The following DIP2A variants were observed in gnomAD, a reference collection of about 807,000 sequenced individuals.
DIP2A encodes DIP2 acetate--CoA ligase A, also known as disco-interacting protein 2 homolog A.
Under a neutral mutation model 177.4 loss-of-function variants are expected in DIP2A, and 85 were observed. The observed-to-expected ratio is 0.48, with a 90% confidence interval of 0.40 to 0.57. DIP2A has a LOEUF of 0.57. Ranked by LOEUF, DIP2A falls within the 20% of genes least tolerant of loss-of-function variation. DIP2A has a pLI of 0.00. For missense variants in DIP2A, 1,791 were observed against 2,100.2 expected (o/e 0.85, Z 2.88); for synonymous variants, 886 against 881.8 (o/e 1.00, Z -0.08).
chr21:46,559,096 C>CAAAAAAAAA (rs58469641), intron 32 of DIP2A: 1 of 56,720 alleles, frequency 1.8e-5, no homozygotes, highest in African/African-American at 7.8e-5. Context: ...GACCCTGTCT[C>CAAAAAAAAA]AAAAAAAAAA....
rs2060512081 is a variant in DIP2A at position 46,557,565 on chromosome 21, A to C, written c.3630-20A>C. 1 of 1,594,212 alleles carries C rather than the reference A, an allele frequency of 6.3e-7. No individual in the cohort carries two copies. Among genetic ancestry groups the C allele is most frequent in the East Asian group, 2.3e-5 (1 of 44,258 alleles). ...GTGCTGGGTGGGCGGGCGGAGCCTC[A>C]CGAGCCTTCCCTCTCGCAGTGTCTA... On this transcript the variant is annotated intron_variant, in intron 30 of 37. Coordinates refer to ENST00000417564, the MANE Select transcript of DIP2A (RefSeq NM_015151.4). The surrounding 1 kb of genome is among the most constrained non-coding windows in gnomAD (Gnocchi z 6.0).
chr21:46,478,491 C>T (rs1433564704), intron 1 of DIP2A, among the ~76,000 whole-genome samples: 2 of 152,164 alleles, frequency 1.3e-5, no homozygotes, highest in African/African-American at 4.8e-5. Flanking sequence ...GGATTACAGG[C>T]GTGAGCCACC....
intron 1 of DIP2A, among the ~76,000 whole-genome samples, chr21:46,468,926 TG>T (rs1489706044): frequency 6.6e-6 from 1 of 152,244 alleles, no homozygotes; most frequent in Non-Finnish European, 1.5e-5. Flanking sequence ...CCAGCTATTC[TG>T]TACTTGTTTA....
In DIP2A at chr21:46,569,192, G is replaced by A. The variant is rs1277401244; in HGVS notation, c.*1570G>A. ...TCACAGAAACAACCAGGTTTTTCCA[G>A]AATTAGTCTGGATCAGTGCCTAACA... On this transcript the variant is annotated 3_prime_UTR_variant, in exon 38 of 38. Transcript: ENST00000417564. The A allele has an allele frequency of 1.3e-5, 2 of 152,116 alleles. No homozygotes were observed. The highest frequency in any genetic ancestry group is 4.1e-4 in the South Asian group (2 of 4,830). The allele number at this position is 152,116 out of a possible 1,614,324, so 9.4% of individuals were successfully genotyped here. A position where few individuals can be genotyped will look rare whatever the true frequency, so the allele number is the denominator to read the frequency against.
rs2057475145 is a variant in DIP2A, at chr21:46,498,465, G to A, written c.404-117G>A. ...ACTGCGTGGCTTTGGGCAGAGCTGT[G>A]CCAGGTGTACAGAAGCATGCTGCAC... On this transcript the variant is annotated intron_variant, in intron 4 of 37. Coordinates refer to ENST00000417564, the MANE Select transcript of DIP2A (RefSeq NM_015151.4). The surrounding 1 kb of genome is among the most constrained non-coding windows in gnomAD (Gnocchi z 4.3). 7.0e-6 allele frequency: 9 copies of A among 1,285,964 alleles called. No homozygotes were observed. Among genetic ancestry groups the A allele is most frequent in the Non-Finnish European group, 9.7e-6 (9 of 930,728 alleles). The allele number at this position is 1,285,964 out of a possible 1,614,324, so 79.7% of individuals were successfully genotyped here.
At chr21:46,533,931 G>A in intron 11 of DIP2A, 73 bp from the exon 12 acceptor site, 1 of 1,282,276 alleles carries the variant, frequency 7.8e-7, no homozygotes, top group East Asian at 2.5e-5. Context: ...GCATGTTGGA[G>A]GCGCAGGCTT....
chr21:46,470,929 GAA>G (rs61607316), intron 1 of DIP2A, among the ~76,000 whole-genome samples: 16,599 of 82,746 alleles, frequency 0.2, 2,565 homozygotes, highest in African/African-American at 0.46. Flanking sequence ...TTCTGTTTCA[GAA>G]AAAAAAAAAA....
Position 46,557,895 on chromosome 21 carries a change from T to G in DIP2A, c.3798+142T>G. The G allele has an allele frequency of 9.4e-7, 1 of 1,062,128 alleles. No homozygotes were observed. The highest frequency in any genetic ancestry group is 1.6e-5 in the African/African-American group (1 of 62,802). The allele number at this position is 1,062,128 out of a possible 1,614,324, so 65.8% of individuals were successfully genotyped here. On this transcript the variant is annotated intron_variant, in intron 31 of 37. Coordinates refer to ENST00000417564, the MANE Select transcript of DIP2A (RefSeq NM_015151.4). This position sits in a 1 kb window ranked among gnomAD's most constrained non-coding sequence, Gnocchi z 6.0. ...GAAAACCCTTTCCCACTAGGGGCCC[T>G]ATGTACACATCTGTCCTCCCACGGC...
In DIP2A at chr21:46,556,572, A is replaced by G. The variant is rs1450060303; in HGVS notation, c.3499-367A>G. On this transcript the variant is annotated intron_variant, in intron 29 of 37. Coordinates refer to ENST00000417564, the MANE Select transcript of DIP2A (RefSeq NM_015151.4). The surrounding 1 kb of genome is among the most constrained non-coding windows in gnomAD (Gnocchi z 4.5). Reference sequence around the variant, plus strand: ...GTGGCAGGTGCCTCTAATCCCAGATACTCAGGAGGCTGAGGCAGGAGAATT... The same window carrying G: ...GTGGCAGGTGCCTCTAATCCCAGATGCTCAGGAGGCTGAGGCAGGAGAATT... 1 of 381,384 alleles carries G rather than the reference A, an allele frequency of 2.6e-6. No homozygotes were observed. Among genetic ancestry groups the G allele is most frequent in the Non-Finnish European group, 4.9e-6 (1 of 202,330 alleles). The allele number at this position is 381,384 out of a possible 1,614,324, so 23.6% of individuals were successfully genotyped here. A position where few individuals can be genotyped will look rare whatever the true frequency, so the allele number is the denominator to read the frequency against.
chr21:46,565,810 G>C lies in DIP2A; in HGVS notation c.4262G>C (p.Gly1421Ala). The change falls in exon 36 of 38, where the codon GGA (glycine) becomes GCA (alanine). Residue 1421 changes from glycine (G) to alanine (A), a missense_variant. Physicochemically the swap from Gly to Ala is moderately conservative, Grantham distance 60. Coordinates refer to ENST00000417564, the MANE Select transcript of DIP2A (RefSeq NM_015151.4). ...CACTTCAGTGCCCGGCTGAGTTTTG[G>C]AGACACACAGACCATCTGGGCAAGG... ...ADHFSARLSF[G>A]DTQTIWARTG... 6.2e-7 allele frequency: 1 copy of C among 1,613,990 alleles called. No homozygotes were observed. Among genetic ancestry groups the C allele is most frequent in the East Asian group, 2.2e-5 (1 of 44,864 alleles).
At chr21:46,535,997 G>A (rs1424082769) in intron 13 of DIP2A, among the ~76,000 whole-genome samples, 1 of 152,192 alleles carries the variant, frequency 6.6e-6, no homozygotes, top group Non-Finnish European at 1.5e-5. Flanking sequence ...AGTAGGAAAG[G>A]GAGCAGGTCA....
Position 46,533,594 on chromosome 21 carries a change from C to G in DIP2A, c.1376C>G (p.Ala459Gly). 1 of 1,614,038 alleles carries G rather than the reference C, an allele frequency of 6.2e-7. No individual in the cohort carries two copies. The highest frequency in any genetic ancestry group is 1.3e-5 in the African/African-American group (1 of 75,056). ...GTCTTCTTGGCCCTGACCACAGACG[C>G]TTGTCAGAAAGGCCTCCCCAAGGCA... ...CGVFLALTTD[A>G]CQKGLPKAQT... The change falls in exon 11 of 38, where the codon GCT becomes GGT. Residue 459 changes from alanine (A) to glycine (G), a missense_variant. By Grantham distance (60) the Ala-to-Gly change is moderately conservative (BLOSUM62 0). Transcript: ENST00000417564.
At chr21:46,533,050 A>G (rs888148293) in intron 10 of DIP2A, among the ~76,000 whole-genome samples, 4 of 152,246 alleles carry the variant, frequency 2.6e-5, no homozygotes, top group Non-Finnish European at 5.9e-5. Context: ...TGTCAAATTT[A>G]TATGAAGAAA....
chr21:46,566,560 G>A lies in DIP2A; in HGVS notation c.4340G>A (p.Gly1447Glu). The A allele has an allele frequency of 6.2e-7, 1 of 1,614,022 alleles. No individual in the cohort carries two copies. The highest frequency in any genetic ancestry group is 8.5e-7 in the Non-Finnish European group (1 of 1,179,922). Residue 1447 changes from glycine (G) to glutamate (E), a missense_variant and splice_region_variant, in exon 37 of 38, where the codon GGG becomes GAG. By Grantham distance (98) the Gly-to-Glu change is moderately conservative (BLOSUM62 -2). Transcript: ENST00000417564. ...RRTELTDASG[G>E]RHDALYVVGS... is the part of the protein sequence containing the mutation. Reference sequence around the variant, plus strand: ...ACGTGTAAACACACACTGTTCACAGGGCGGCACGATGCACTGTATGTGGTT... The same window carrying A: ...ACGTGTAAACACACACTGTTCACAGAGCGGCACGATGCACTGTATGTGGTT...
Position 46,565,820 on chromosome 21 carries a change from G to C in DIP2A, c.4272G>C (p.Gln1424His). The change falls in exon 36 of 38, where the codon CAG (glutamine) becomes CAC (histidine). Residue 1424 changes from glutamine to histidine, a missense_variant. Gln to His is a conservative substitution (Grantham distance 24). Coordinates refer to ENST00000417564, the MANE Select transcript of DIP2A (RefSeq NM_015151.4). The part of the protein sequence containing the change: ...FSARLSFGDT[Q>H]TIWARTGYLG... ...CCCGGCTGAGTTTTGGAGACACACA[G>C]ACCATCTGGGCAAGGACCGGCTACC... 6.2e-7 allele frequency: 1 copy of C among 1,613,990 alleles called. No homozygotes were observed. The highest frequency in any genetic ancestry group is 8.5e-7 in the Non-Finnish European group (1 of 1,179,904).
Position 46,541,747 on chromosome 21 carries a change from AT to A in DIP2A, c.2037-5del. 1 of 1,613,682 alleles carries A rather than the reference AT, an allele frequency of 6.2e-7. No homozygotes were observed. Among genetic ancestry groups the A allele is most frequent in the African/African-American group, 1.3e-5 (1 of 74,980 alleles). ...CGTCAGTTAAACCCATGGTGGTTTT[AT>A]TTTCTAGGCCACCTGATCTGGGAGG... On this transcript the variant is annotated splice_region_variant and splice_polypyrimidine_tract_variant and intron_variant, in intron 17 of 37. Coordinates refer to ENST00000417564, the MANE Select transcript of DIP2A (RefSeq NM_015151.4).
chr21:46,463,755 C>T (rs1330319838), intron 1 of DIP2A, among the ~76,000 whole-genome samples: 2 of 149,760 alleles, frequency 1.3e-5, no homozygotes, highest in African/African-American at 4.9e-5. Flanking sequence ...GTTGCCCAGT[C>T]TGGAGTTCAG....
chr21:46,509,156 A>G, intron 6 of DIP2A, 101 bp from the exon 7 acceptor site: 2 of 1,297,388 alleles, frequency 1.5e-6, no homozygotes, highest in South Asian at 2.3e-5. Flanking sequence ...ATGGATTTGT[A>G]AGCTCTGATG....
chr21:46,564,946 G>T (rs2060787597), intron 35 of DIP2A, among the ~76,000 whole-genome samples: 1 of 152,236 alleles, frequency 6.6e-6, no homozygotes, highest in South Asian at 2.1e-4. Context: ...TCTGAGCCAG[G>T]CATGGTGACC....
Sources: allele counts gnomAD v4.1 joint callset (sites outside exome capture counted in the v4.1 genomes callset), GRCh38; gene constraint gnomAD v4.1.1; non-coding constraint Gnocchi (gnomAD v3.1); transcripts MANE v1.5; gene names NCBI Gene and HGNC (gene_info 2026-07-23, HGNC 2026-07-21).